NFATC2: variants seen among roughly 807,000 people sequenced by gnomAD.
NFATC2 encodes the protein nuclear factor of activated T cells 2.
Under a neutral mutation model 87.3 loss-of-function variants are expected in NFATC2, and 22 were observed. The observed-to-expected ratio is 0.25, with a 90% confidence interval of 0.18 to 0.36. The LOEUF is 0.36. Ranked by LOEUF, NFATC2 falls within the 10% of genes least tolerant of loss-of-function variation. The pLI, the probability that NFATC2 is intolerant of heterozygous loss-of-function variation, is 1.00. For synonymous variants in NFATC2, 565 were observed against 542.2 expected (o/e 1.04, Z -0.58); for missense variants, 1,149 against 1,259.1 (o/e 0.91, Z 1.32).
At chr20:51,395,401 C>T (rs1042469431) in intron 10 of NFATC2, among the ~76,000 whole-genome samples, 5 of 149,386 alleles carry the variant, frequency 3.3e-5, no homozygotes, top group East Asian at 1.9e-4. Flanking sequence ...GTGTCATTTG[C>T]GTGAAGTCAG....
intron 1 of NFATC2, among the ~76,000 whole-genome samples, chr20:51,554,847 C>T (rs1283800883): frequency 6.6e-6 from 1 of 152,198 alleles, no homozygotes; most frequent in African/African-American, 2.4e-5. Flanking sequence ...GTCTTCATGA[C>T]TGCCAGTGAT....
At chr20:51,473,889 C>G (rs573203675) in intron 5 of NFATC2, 91 bp downstream of exon 5, 7 of 1,420,392 alleles carry the variant, frequency 4.9e-6, no homozygotes, top group South Asian at 1.4e-5. Context: ...CAGGCCACCC[C>G]GGGTACCTCG....
intron 6 of NFATC2, among the ~76,000 whole-genome samples, chr20:51,440,794 G>A (rs577052400): frequency 1.5e-4 from 23 of 152,308 alleles, no homozygotes; most frequent in African/African-American, 3.1e-4. Context: ...TATGCAGCAC[G>A]TGCAAGACAC....
At chr20:51,551,421 T>A (rs1034311952) in intron 1 of NFATC2, among the ~76,000 whole-genome samples, 15 of 152,120 alleles carry the variant, frequency 9.9e-5, no homozygotes, top group African/African-American at 3.6e-4. Context: ...TTATTTTTTT[T>A]GAGACAGGGT....
chr20:51,436,409 TA>T lies in NFATC2; in HGVS notation c.1850-649del, dbSNP rs397808807. Among the ~76,000 whole-genome samples, 1,202 of 149,582 alleles carry T rather than the reference TA, an allele frequency of 8.0e-3. 20 individuals are homozygous for T. The highest frequency in any genetic ancestry group is 0.028 in the African/African-American group (1,122 of 40,750). On this transcript the variant is annotated intron_variant, in intron 6 of 10. Transcript: ENST00000371564. ...TATCTTTCTATTTTTTTTTTTTTTT[TA>T]AAAAGGCATTATTAAGGGCTGGGCA...
intron 3 of NFATC2, among the ~76,000 whole-genome samples, chr20:51,477,433 A>T (rs565925436): frequency 1.5e-4 from 23 of 150,954 alleles, no homozygotes; most frequent in African/African-American, 5.6e-4. Context: ...GAGGACTTTG[A>T]CTTTATATGC....
At chr20:51,416,484 G>T (rs1255134267) in intron 9 of NFATC2, among the ~76,000 whole-genome samples, 8 of 152,162 alleles carry the variant, frequency 5.3e-5, no homozygotes. Flanking sequence ...ATGATGAAGG[G>T]GTTTCACATC....
intron 1 of NFATC2, among the ~76,000 whole-genome samples, chr20:51,557,941 C>T (rs1291295679): frequency 2.0e-5 from 3 of 152,122 alleles, no homozygotes; most frequent in Admixed American, 2.0e-4. Flanking sequence ...TGATAAGTAC[C>T]AGGATGCAAG....
At chr20:51,506,564 C>T (rs531502477) in intron 3 of NFATC2, among the ~76,000 whole-genome samples, 7 of 147,722 alleles carry the variant, frequency 4.7e-5, no homozygotes, top group South Asian at 2.3e-4. Flanking sequence ...TAGTGCCTTC[C>T]GAGGCCGTTA....
chr20:51,470,515 G>T (rs772200179), intron 5 of NFATC2, among the ~76,000 whole-genome samples: 15 of 152,174 alleles, frequency 9.9e-5, no homozygotes, highest in Middle Eastern at 3.2e-3. Context: ...TAGCATCGAA[G>T]AACTTACCCT....
At chr20:51,438,443 G>GGAAAAAA (rs11481854) in intron 6 of NFATC2, among the ~76,000 whole-genome samples, 2 of 139,006 alleles carry the variant, frequency 1.4e-5, no homozygotes, top group Non-Finnish European at 3.1e-5. Flanking sequence ...AGCTTGCTTT[G>GGAAAAAA]AAAAAAAAAA....
chr20:51,548,759 G>T (rs986176559), intron 1 of NFATC2, among the ~76,000 whole-genome samples: 3 of 152,118 alleles, frequency 2.0e-5, no homozygotes, highest in African/African-American at 4.8e-5. Context: ...GAAGAATGGC[G>T]CCCAACAGAG....
In NFATC2 at chr20:51,432,309, T is replaced by C; in HGVS notation, c.2480A>G (p.Glu827Gly). The C allele has an allele frequency of 1.2e-6, 2 of 1,614,210 alleles. No individual in the cohort carries two copies. The highest frequency in any genetic ancestry group is 1.7e-6 in the Non-Finnish European group (2 of 1,180,036). The stretch of plus-strand genomic sequence containing the variant: ...CTCGCAGTACATGATGTGCTGGAAC[T>C]CCTGGTGGCTTCCGCAGCGCAGCTG... ...NQQLRCGSHQ[E>G]FQHIMYCENF... The change falls in exon 9 of 11, where the codon GAG becomes GGG. Residue 827 changes from glutamate (E) to glycine (G), a missense_variant. Glu to Gly is a moderately conservative substitution (Grantham distance 98). Transcript: ENST00000371564. This position sits in a 1 kb window ranked among gnomAD's most constrained non-coding sequence, Gnocchi z 4.6.
intron 3 of NFATC2, among the ~76,000 whole-genome samples, chr20:51,494,689 C>T (rs750348833): frequency 2.6e-5 from 4 of 152,132 alleles, no homozygotes; most frequent in South Asian, 2.1e-4. Flanking sequence ...TCTCACCTCC[C>T]GTGGCAGAGA....
At chr20:51,441,543 C>G (rs1201947368) in intron 6 of NFATC2, among the ~76,000 whole-genome samples, 2 of 151,858 alleles carry the variant, frequency 1.3e-5, no homozygotes, top group Non-Finnish European at 2.9e-5. Flanking sequence ...TGGTGAAACC[C>G]TGTCTCTACT....
At chr20:51,558,713 T>C (rs2076998643) in intron 1 of NFATC2, among the ~76,000 whole-genome samples, 1 of 152,172 alleles carries the variant, frequency 6.6e-6, no homozygotes, top group Admixed American at 6.5e-5. Flanking sequence ...AGCAGAGAAG[T>C]GTCTAGGGGC....
chr20:51,513,838 G>A (rs73130822), intron 3 of NFATC2, among the ~76,000 whole-genome samples: 6,283 of 152,374 alleles, frequency 0.041, 157 homozygotes, highest in South Asian at 0.074. Flanking sequence ...GGGGAATGGA[G>A]TGGCCCGCAG....
At chr20:51,525,063 T>TA (rs2076521904) in intron 1 of NFATC2, among the ~76,000 whole-genome samples, 1 of 151,522 alleles carries the variant, frequency 6.6e-6, no homozygotes, top group Non-Finnish European at 1.5e-5. Context: ...CTACTAAAAA[T>TA]ACAAAAATTA....
intron 3 of NFATC2, among the ~76,000 whole-genome samples, chr20:51,509,954 G>T (rs2076246049): frequency 6.6e-6 from 1 of 152,240 alleles, no homozygotes; most frequent in African/African-American, 2.4e-5. Flanking sequence ...TACCGGGAAT[G>T]AAATGGCCAT....
Sources: allele counts gnomAD v4.1 joint callset (sites outside exome capture counted in the v4.1 genomes callset), GRCh38; gene constraint gnomAD v4.1.1; non-coding constraint Gnocchi (gnomAD v3.1); transcripts MANE v1.5; gene names NCBI Gene and HGNC (gene_info 2026-07-23, HGNC 2026-07-21).